Variants in RAP1B observed in about 807,000 individuals in gnomAD.
RAP1B encodes the protein RAP1B, member of RAS oncogene family.
A neutral mutation model predicts 27.5 loss-of-function variants in RAP1B; 1 was observed. The ratio of observed to expected loss-of-function variants is 0.04; its 90% confidence interval spans 0.01 to 0.17. The LOEUF (loss-of-function observed/expected upper bound fraction) is 0.17. Among genes scored for constraint, RAP1B ranks in the 10% least tolerant of loss-of-function variants. The pLI is 1.00. For synonymous variants in RAP1B, 75 were observed against 73.1 expected (o/e 1.03, Z -0.13); for missense variants, 84 against 214.8 (o/e 0.39, Z 3.81).
intron 1 of RAP1B, among the ~76,000 whole-genome samples, chr12:68,648,496 G>A (rs1873581161): frequency 6.6e-6 from 1 of 152,042 alleles, no homozygotes; most frequent in African/African-American, 2.4e-5. Flanking sequence ...ATCCTGGATC[G>A]GGCTCAAAGT....
intron 1 of RAP1B, among the ~76,000 whole-genome samples, chr12:68,639,090 C>T (rs998134971): frequency 1.3e-5 from 2 of 152,092 alleles, no homozygotes; most frequent in African/African-American, 4.8e-5. Flanking sequence ...AACTGCTGGA[C>T]CAGGGTTCAG....
chr12:68,657,034 TTTAC>T, intron 6 of RAP1B, 63 bp from the exon 7 acceptor site: 1 of 1,330,882 alleles, frequency 7.5e-7, no homozygotes, highest in Non-Finnish European at 1.1e-6. Context: ...GTTTTTTCAA[TTTAC>T]TTTTTTCATT....
chr12:68,611,348 C>T (rs1422828876), intron 1 of RAP1B, among the ~76,000 whole-genome samples: 1 of 125,582 alleles, frequency 8.0e-6, no homozygotes, highest in Non-Finnish European at 1.7e-5. Flanking sequence ...GCCCGAGGAC[C>T]CCCCCACCCG....
At chr12:68,647,376 CTCCA>C (rs1565670462) in intron 1 of RAP1B, among the ~76,000 whole-genome samples, 14 of 22,278 alleles carry the variant, frequency 6.3e-4, no homozygotes, top group African/African-American at 1.5e-3. Flanking sequence ...CTGCCCCCCA[CTCCA>C]CTCCCCGCCC....
At chr12:68,649,179 G>A (rs1873634781) in intron 2 of RAP1B, 1 of 158,870 alleles carries the variant, frequency 6.3e-6, no homozygotes, top group African/African-American at 2.4e-5. Flanking sequence ...TGAATGCTTG[G>A]GACTACAGGC....
intron 1 of RAP1B, chr12:68,627,057 C>G: frequency 6.3e-7 from 1 of 1,593,630 alleles, no homozygotes; most frequent in Non-Finnish European, 8.5e-7. Context: ...CTTGGCCCTG[C>G]GCAGGGCCTC....
At position 68,660,719 on chromosome 12, in the gene RAP1B, A is replaced by G. The variant is rs1481091840; in HGVS notation, c.*1470A>G. 1.3e-5 allele frequency: 2 copies of G among 152,220 alleles called. No homozygotes were observed. Among genetic ancestry groups the G allele is most frequent in the Non-Finnish European group, 2.9e-5 (2 of 68,034 alleles). 9.4% of individuals were successfully genotyped at this position (152,220 alleles called of 1,614,324 possible). On this transcript the variant is annotated 3_prime_UTR_variant, in exon 8 of 8. Transcript: ENST00000250559. ...TCTGGTATTGTTTGAATATCCACAT[A>G]ACCACCTTTTGAACTTTTCCTTGAG... is the stretch of plus-strand genomic sequence containing the variant.
At chr12:68,627,338 C>A in intron 1 of RAP1B, 1 of 743,910 alleles carries the variant, frequency 1.3e-6, no homozygotes, top group Non-Finnish European at 2.4e-6. Context: ...TGGGCCCCCC[C>A]ATGAGGAAAG....
At chr12:68,629,630 G>A (rs1872086587) in intron 1 of RAP1B, among the ~76,000 whole-genome samples, 1 of 152,042 alleles carries the variant, frequency 6.6e-6, no homozygotes, top group Non-Finnish European at 1.5e-5. Flanking sequence ...TATATGTACT[G>A]GGGGCTTACC....
chr12:68,660,844 C>T lies in RAP1B; in HGVS notation c.*1595C>T, dbSNP rs972575439. 5.3e-5 allele frequency: 8 copies of T among 152,134 alleles called. No individual in the cohort carries two copies. Among genetic ancestry groups the T allele is most frequent in the Non-Finnish European group, 8.8e-5 (6 of 68,010 alleles). 9.4% of individuals were successfully genotyped at this position (152,134 alleles called of 1,614,324 possible). A position where few individuals can be genotyped will look rare whatever the true frequency, so the allele number is the denominator to read the frequency against. On this transcript the variant is annotated 3_prime_UTR_variant, in exon 8 of 8. Coordinates refer to ENST00000250559, the MANE Select transcript of RAP1B (RefSeq NM_001010942.3). Reference sequence around the variant, plus strand: ...GGTAGGTAAAAGAGGAACGATTTAACATACTTTCATGGATGTTACACTATG... The same window carrying T: ...GGTAGGTAAAAGAGGAACGATTTAATATACTTTCATGGATGTTACACTATG...
At chr12:68,626,329 G>A (rs1309009888) in intron 1 of RAP1B, among the ~76,000 whole-genome samples, 1 of 152,196 alleles carries the variant, frequency 6.6e-6, no homozygotes, top group African/African-American at 2.4e-5. Flanking sequence ...TAAACTGCAT[G>A]TAGTATAGTA....
At chr12:68,654,338 TGTG>T in intron 5 of RAP1B, 86 bp downstream of exon 5, 1 of 303,288 alleles carries the variant, frequency 3.3e-6, no homozygotes, top group Non-Finnish European at 5.4e-6. Flanking sequence ...TTTTAAAGCT[TGTG>T]TATTTTGGTT....
intron 4 of RAP1B, among the ~76,000 whole-genome samples, chr12:68,652,742 C>T (rs1179490822): frequency 4.6e-5 from 7 of 152,098 alleles, no homozygotes; most frequent in African/African-American, 1.2e-4. Context: ...AGCTTGAACC[C>T]GGGAGGCGGA....
At chr12:68,623,340 GT>G (rs1203468246) in intron 1 of RAP1B, among the ~76,000 whole-genome samples, 1 of 152,080 alleles carries the variant, frequency 6.6e-6, no homozygotes, top group African/African-American at 2.4e-5. Context: ...TATTAAAGGA[GT>G]TTTAGATTAA....
Position 68,654,354 on chromosome 12 carries a change from G to C in RAP1B, c.324+102G>C, listed in dbSNP as rs554633328. 1.3e-5 allele frequency: 6 copies of C among 468,648 alleles called. No homozygotes were observed. In the South Asian group the frequency reaches 2.2e-4, roughly 17 times the overall value. The allele number at this position is 468,648 out of a possible 1,614,324, so 29.0% of individuals were successfully genotyped here. The stretch of plus-strand genomic sequence containing the variant: ...TTTAAAGCTTGTGTATTTTGGTTGG[G>C]GGGGGGGTGTTGGTTTTTTTAAACT... On this transcript the variant is annotated intron_variant, in intron 5 of 7. Transcript: ENST00000250559.
At chr12:68,615,504 G>A (rs1870919404) in intron 1 of RAP1B, among the ~76,000 whole-genome samples, 3 of 151,690 alleles carry the variant, frequency 2.0e-5, no homozygotes, top group Admixed American at 1.3e-4. Flanking sequence ...CAGGAGAATC[G>A]CTTGAACCTG....
chr12:68,650,981 T>A (rs1286175010), intron 3 of RAP1B: 1 of 152,280 alleles, frequency 6.6e-6, no homozygotes, highest in Non-Finnish European at 1.5e-5. Flanking sequence ...GGGACCCACA[T>A]CTAAACAATT....
chr12:68,611,419 C>G (rs1052683571), intron 1 of RAP1B, among the ~76,000 whole-genome samples: 5 of 149,366 alleles, frequency 3.3e-5, no homozygotes, highest in African/African-American at 9.8e-5. Context: ...TCCCCGCCGG[C>G]TCCCCCGAAG....
In RAP1B at chr12:68,667,503, A is replaced by G. The variant is rs917346161; in HGVS notation, c.*8254A>G. 6.6e-6 allele frequency: 1 copy of G among 152,212 alleles called. No homozygotes were observed. The highest frequency in any genetic ancestry group is 1.5e-5 in the Non-Finnish European group (1 of 68,040). The allele number at this position is 152,212 out of a possible 1,614,324, so 9.4% of individuals were successfully genotyped here. On this transcript the variant is annotated 3_prime_UTR_variant, in exon 8 of 8. Coordinates refer to ENST00000250559, the MANE Select transcript of RAP1B (RefSeq NM_001010942.3). ...GGGTTTTGGGGTTTTTATATGTGTT[A>G]GTACATTCAGCGTTAGGGTTGGGTT... is the stretch of plus-strand genomic sequence containing the variant.
Sources: gnomAD v4.1 joint callset for allele counts (sites outside exome capture counted in the v4.1 genomes callset) on GRCh38, gnomAD v4.1.1 for gene constraint, MANE v1.5 for transcripts, NCBI Gene and HGNC (gene_info 2026-07-23, HGNC 2026-07-21) for gene names.